Variants in MGAT4A observed in about 807,000 individuals in gnomAD.
The protein encoded by MGAT4A is alpha-1,3-mannosyl-glycoprotein 4-beta-N-acetylglucosaminyltransferase A.
Under a neutral mutation model 74.1 loss-of-function variants are expected in MGAT4A, and 33 were observed. The ratio of observed to expected loss-of-function variants is 0.45; its 90% CI spans 0.34 to 0.60. MGAT4A has a LOEUF of 0.60. MGAT4A is among the 20% of genes least tolerant of loss of function. MGAT4A has a pLI of 0.02. For missense variants in MGAT4A, 479 were observed against 628.3 expected (o/e 0.76, Z 2.54); for synonymous variants, 198 against 210.4 (o/e 0.94, Z 0.51).
At chr2:98,722,786 T>TA (rs1033802610) in intron 2 of MGAT4A, among the ~76,000 whole-genome samples, 4 of 152,200 alleles carry the variant, frequency 2.6e-5, no homozygotes, top group Non-Finnish European at 5.9e-5. Flanking sequence ...ACTACATGTT[T>TA]ACTAAGCATC....
chr2:98,700,526 T>G (rs992989490), intron 2 of MGAT4A, among the ~76,000 whole-genome samples: 1 of 152,024 alleles, frequency 6.6e-6, no homozygotes, highest in Non-Finnish European at 1.5e-5. Flanking sequence ...ATTATATCAA[T>G]CAACATTTAC....
chr2:98,639,687 A>T (rs1007680881), intron 12 of MGAT4A, 121 bp downstream of exon 12: 34 of 761,372 alleles, frequency 4.5e-5, no homozygotes, highest in Middle Eastern at 6.3e-4. Context: ...TTAAAGCCCA[A>T]CATTTTGGGC....
Position 98,623,579 on chromosome 2 carries a change from A to G in MGAT4A, c.*1987T>C, listed in dbSNP as rs1293429614. 3.0e-6 allele frequency: 3 copies of G among 985,292 alleles called. No individual in the cohort carries two copies. Among genetic ancestry groups the G allele is most frequent in the Non-Finnish European group, 3.6e-6 (3 of 829,908 alleles). 61.0% of individuals were successfully genotyped at this position (985,292 alleles called of 1,614,324 possible). On this transcript the variant is annotated 3_prime_UTR_variant, in exon 16 of 16. Transcript: ENST00000393487. The stretch of plus-strand genomic sequence containing the variant: ...CACTGGGCCAAGGAAATTTGAGAAG[A>G]AAAAAATTCAAGAAAGTGAAAAGTA...
intron 2 of MGAT4A, among the ~76,000 whole-genome samples, chr2:98,714,519 T>C (rs1003832734): frequency 6.6e-6 from 1 of 152,094 alleles, no homozygotes; most frequent in Non-Finnish European, 1.5e-5. Context: ...GACGTGGAAA[T>C]AGCTGAGGAT....
rs1701132597 is a variant in MGAT4A at position 98,625,568 on chromosome 2, A to G, written c.1606T>C (p.Ter536ArgextTer11). Residue 536 changes from the stop codon to arginine, a stop_lost, in exon 16 of 16, where the codon TGA becomes CGA. Transcript: ENST00000393487. ...NEIHIKKATN* is the reference protein window; with the variant it reads ...NEIHIKKATNR ...AAATGTGTTGGTTTCTCAGATGATC[A>G]GTTGGTGGCTTTTTTAATATGAATC... 1 of 1,609,376 alleles carries G rather than the reference A, an allele frequency of 6.2e-7. No individual in the cohort carries two copies. Among genetic ancestry groups the G allele is most frequent in the East Asian group, 2.2e-5 (1 of 44,756 alleles).
intron 8 of MGAT4A, among the ~76,000 whole-genome samples, chr2:98,646,245 G>A (rs1286796247): frequency 2.0e-5 from 3 of 151,710 alleles, no homozygotes; most frequent in African/African-American, 7.3e-5. Context: ...TTTTCTTGCT[G>A]AAAGTCCTAG....
rs1702763696 is a variant in MGAT4A at position 98,726,422 on chromosome 2, A to T, written c.-90T>A. The T allele has an allele frequency of 1.9e-6, 2 of 1,028,762 alleles. No individual in the cohort carries two copies. The highest frequency in any genetic ancestry group is 2.9e-6 in the Non-Finnish European group (2 of 687,834). The allele number at this position is 1,028,762 out of a possible 1,614,324, so 63.7% of individuals were successfully genotyped here. ...ACCCTGAAAGTCAACTGAATGCAGTACTCCTGGCTCTAGGCCAATAAAAAT... is the reference window on the plus strand; with the variant it reads ...ACCCTGAAAGTCAACTGAATGCAGTTCTCCTGGCTCTAGGCCAATAAAAAT... On this transcript the variant is annotated 5_prime_UTR_variant, in exon 2 of 16. Transcript: ENST00000393487.
At chr2:98,708,248 G>T (rs1246528617) in intron 2 of MGAT4A, among the ~76,000 whole-genome samples, 1 of 151,942 alleles carries the variant, frequency 6.6e-6, no homozygotes, top group African/African-American at 2.4e-5. Flanking sequence ...GATTACAGGC[G>T]TGAGCCACCG....
At chr2:98,635,806 T>C (rs924019804) in intron 13 of MGAT4A, among the ~76,000 whole-genome samples, 5 of 151,412 alleles carry the variant, frequency 3.3e-5, no homozygotes, top group Non-Finnish European at 7.4e-5. Flanking sequence ...TCCTGGCCAG[T>C]GCTGAAACCC....
intron 14 of MGAT4A, among the ~76,000 whole-genome samples, chr2:98,631,651 G>A (rs1004886977): frequency 2.0e-5 from 3 of 152,208 alleles, no homozygotes; most frequent in African/African-American, 7.2e-5. Flanking sequence ...GGAGAGCCTA[G>A]GCAGCCCGAC....
At chr2:98,715,973 C>T (rs564227974) in intron 2 of MGAT4A, among the ~76,000 whole-genome samples, 221 of 152,306 alleles carry the variant, frequency 1.5e-3, no homozygotes, top group African/African-American at 5.1e-3. Flanking sequence ...AAGCAAACAT[C>T]ACCAGTAACA....
intron 2 of MGAT4A, among the ~76,000 whole-genome samples, chr2:98,704,574 C>T (rs1041634107): frequency 6.6e-6 from 1 of 152,060 alleles, no homozygotes; most frequent in Admixed American, 6.6e-5. Flanking sequence ...TACCACGGTC[C>T]TCCAGCTTGG....
At chr2:98,670,715 G>T (rs972024375) in intron 4 of MGAT4A, among the ~76,000 whole-genome samples, 1 of 151,488 alleles carries the variant, frequency 6.6e-6, no homozygotes, top group Non-Finnish European at 1.5e-5. Context: ...CTGCCTAGTT[G>T]CCCTTTCTCT....
intron 8 of MGAT4A, among the ~76,000 whole-genome samples, chr2:98,650,864 C>T (rs897466310): frequency 6.6e-6 from 1 of 152,012 alleles, no homozygotes; most frequent in Non-Finnish European, 1.5e-5. Context: ...GGCAGAATGG[C>T]GTGAACCCGG....
At chr2:98,661,405 A>G (rs1701748329) in intron 5 of MGAT4A, among the ~76,000 whole-genome samples, 1 of 152,208 alleles carries the variant, frequency 6.6e-6, no homozygotes, top group African/African-American at 2.4e-5. Flanking sequence ...TGTAGAACTT[A>G]AAACTGGTGA....
At chr2:98,634,064 TTGTC>T (rs1701282682) in intron 14 of MGAT4A, among the ~76,000 whole-genome samples, 1 of 152,248 alleles carries the variant, frequency 6.6e-6, no homozygotes, top group Non-Finnish European at 1.5e-5. Context: ...ATATTTGCTC[TTGTC>T]TAATACTAAG....
chr2:98,695,482 G>C (rs192781771), intron 2 of MGAT4A: 1 of 183,924 alleles, frequency 5.4e-6, no homozygotes, highest in African/African-American at 2.3e-5. Flanking sequence ...AGCAGAAGGG[G>C]CTGAACACTA....
intron 3 of MGAT4A, among the ~76,000 whole-genome samples, chr2:98,675,732 T>C (rs1167890249): frequency 6.6e-6 from 1 of 152,102 alleles, no homozygotes; most frequent in African/African-American, 2.4e-5. Flanking sequence ...AAAAATTTTT[T>C]TTGTACAGAC....
chr2:98,657,566 T>C (rs993449827), intron 6 of MGAT4A, among the ~76,000 whole-genome samples: 1 of 152,332 alleles, frequency 6.6e-6, no homozygotes, highest in Admixed American at 6.5e-5. Context: ...TTATTTTAAA[T>C]GTAGGGTTAG....
Sources: gnomAD v4.1 joint callset for allele counts (sites outside exome capture counted in the v4.1 genomes callset) on GRCh38, gnomAD v4.1.1 for gene constraint, MANE v1.5 for transcripts, NCBI Gene and HGNC (gene_info 2026-07-23, HGNC 2026-07-21) for gene names.